The following LDAH variants were observed in gnomAD, a reference collection of about 807,000 sequenced individuals.
The protein encoded by LDAH is lipid droplet-associated hydrolase.
Under a neutral mutation model 29.6 loss-of-function variants are expected in LDAH, and 26 were observed. That is an observed-to-expected ratio of 0.88 (90% CI 0.64 to 1.22). The LOEUF (loss-of-function observed/expected upper bound fraction) is 1.22, where lower values mean the gene tolerates loss of function less well. Ranked by LOEUF, LDAH falls within the 50% of genes most tolerant of loss-of-function variation. The pLI is 0.00. For missense variants in LDAH, 344 were observed against 387.3 expected (o/e 0.89, Z 0.94); for synonymous variants, 117 against 133.0 (o/e 0.88, Z 0.83).
At chr2:20,811,148 G>T (rs1322450696) in intron 1 of LDAH, among the ~76,000 whole-genome samples, 2 of 151,550 alleles carry the variant, frequency 1.3e-5, no homozygotes, top group Non-Finnish European at 2.9e-5. Context: ...CTCCCGAGTA[G>T]CTGGGACTAC....
chr2:20,754,919 T>C (rs1668225413), intron 4 of LDAH, among the ~76,000 whole-genome samples: 1 of 152,158 alleles, frequency 6.6e-6, no homozygotes, highest in Non-Finnish European at 1.5e-5. Context: ...TCAAGGACAT[T>C]AGTGGGCCAA....
At chr2:20,771,791 GCTTACACCCTTTGGACAATTTATTGCACA>G in intron 4 of LDAH, among the ~76,000 whole-genome samples, 1 of 1,920 alleles carries the variant, frequency 5.2e-4, no homozygotes, top group Non-Finnish European at 2.5e-3. Context: ...TTATTTTCTA[GCTTACACCCTTTGGACAATTTATTGCACA>G]CATTATTTTC....
chr2:20,724,130 A>G (rs1462884022), intron 5 of LDAH, among the ~76,000 whole-genome samples: 1 of 152,204 alleles, frequency 6.6e-6, no homozygotes, highest in Non-Finnish European at 1.5e-5. Flanking sequence ...CACATAATCC[A>G]TAACAGAAGG....
Position 20,788,220 on chromosome 2 carries a change from T to C in LDAH, c.298+2035A>G, listed in dbSNP as rs80295661. Among the ~76,000 whole-genome samples, 38 of 152,306 alleles carry C rather than the reference T, an allele frequency of 2.5e-4. 1 individual carries two copies. In the East Asian group the frequency reaches 2.9e-3, roughly 12 times the overall value. On this transcript the variant is annotated intron_variant, in intron 3 of 6. Coordinates refer to ENST00000237822, the MANE Select transcript of LDAH (RefSeq NM_021925.4). ...ATACTCCCTGCAGCTAAAGGGTCAG[T>C]TGCAAAATACAAGGTTAACAATTAG... is the stretch of plus-strand genomic sequence containing the variant.
chr2:20,710,163 A>T (rs558165267), intron 5 of LDAH, among the ~76,000 whole-genome samples: 1 of 152,184 alleles, frequency 6.6e-6, no homozygotes, highest in Middle Eastern at 3.2e-3. Flanking sequence ...AATCAAATTG[A>T]TAAGTGTTTA....
intron 1 of LDAH, among the ~76,000 whole-genome samples, chr2:20,808,653 G>A (rs567357204): frequency 2.4e-4 from 33 of 135,256 alleles, no homozygotes; most frequent in African/African-American, 3.8e-4. Context: ...GAGAGACTCC[G>A]TCTCAAAAAA....
chr2:20,703,246 C>A (rs1315719946), intron 5 of LDAH, among the ~76,000 whole-genome samples: 1 of 152,204 alleles, frequency 6.6e-6, no homozygotes, highest in African/African-American at 2.4e-5. Context: ...TAGTGCCAAA[C>A]CATAGTTTTC....
intron 1 of LDAH, among the ~76,000 whole-genome samples, chr2:20,801,874 T>C (rs544343042): frequency 6.6e-6 from 1 of 151,902 alleles, no homozygotes; most frequent in South Asian, 2.1e-4. Flanking sequence ...AGAGGGACAA[T>C]GAACTCCCTA....
intron 6 of LDAH, among the ~76,000 whole-genome samples, chr2:20,691,878 G>A (rs191056828): frequency 9.7e-4 from 147 of 152,288 alleles, no homozygotes; most frequent in African/African-American, 3.5e-3. Flanking sequence ...TGGTTACTAT[G>A]GTCTCTGGGC....
chr2:20,788,552 G>A (rs1330596882), intron 3 of LDAH, among the ~76,000 whole-genome samples: 2 of 152,080 alleles, frequency 1.3e-5, no homozygotes, highest in Admixed American at 6.5e-5. Flanking sequence ...ATATAATAAC[G>A]AAGACTATAG....
intron 4 of LDAH, among the ~76,000 whole-genome samples, chr2:20,756,742 AAC>A (rs895971766): frequency 5.9e-5 from 9 of 152,234 alleles, no homozygotes; most frequent in African/African-American, 2.2e-4. Flanking sequence ...CTGAAAGTAT[AAC>A]ACACAAATAA....
intron 5 of LDAH, among the ~76,000 whole-genome samples, chr2:20,734,608 CCT>C (rs1217802757): frequency 6.6e-6 from 1 of 152,150 alleles, no homozygotes; most frequent in Non-Finnish European, 1.5e-5. Context: ...CTAAATATTT[CCT>C]CTGTGTATGT....
intron 4 of LDAH, among the ~76,000 whole-genome samples, chr2:20,760,825 C>G (rs1020672491): frequency 6.6e-6 from 1 of 152,082 alleles, no homozygotes; most frequent in African/African-American, 2.4e-5. Context: ...TCACCTTTAT[C>G]ATATTTTGTT....
intron 5 of LDAH, among the ~76,000 whole-genome samples, chr2:20,726,703 G>T (rs370002294): frequency 6.6e-6 from 1 of 152,078 alleles, no homozygotes; most frequent in Non-Finnish European, 1.5e-5. Flanking sequence ...GAAATGTTTC[G>T]TAGTCAACAT....
intron 4 of LDAH, among the ~76,000 whole-genome samples, chr2:20,770,107 A>G (rs1669307945): frequency 6.6e-6 from 1 of 152,318 alleles, no homozygotes; most frequent in South Asian, 2.1e-4. Context: ...CCCTTAAATC[A>G]CTAAGAAAAA....
intron 5 of LDAH, among the ~76,000 whole-genome samples, chr2:20,711,310 G>A (rs941282772): frequency 7.4e-4 from 113 of 152,006 alleles, no homozygotes; most frequent in African/African-American, 2.5e-3. Flanking sequence ...GTGTGAACCC[G>A]GGAGGTGGAG....
chr2:20,723,324 G>A (rs961859354), intron 5 of LDAH, among the ~76,000 whole-genome samples: 4 of 152,140 alleles, frequency 2.6e-5, no homozygotes, highest in Non-Finnish European at 5.9e-5. Context: ...TAAGTGAGAT[G>A]GGCAGAAGCA....
At chr2:20,795,982 C>A (rs980118151) in intron 2 of LDAH, among the ~76,000 whole-genome samples, 2 of 114,778 alleles carry the variant, frequency 1.7e-5, no homozygotes, top group African/African-American at 5.8e-5. Flanking sequence ...CACACACACA[C>A]ACAAAATACA....
intron 5 of LDAH, among the ~76,000 whole-genome samples, chr2:20,718,703 C>A (rs1364429880): frequency 1.3e-5 from 2 of 152,066 alleles, no homozygotes; most frequent in East Asian, 3.8e-4. Context: ...CCAACTACTG[C>A]AGAACACACA....
Sources: allele counts gnomAD v4.1 joint callset (sites outside exome capture counted in the v4.1 genomes callset), GRCh38; gene constraint gnomAD v4.1.1; transcripts MANE v1.5; gene names NCBI Gene and HGNC (gene_info 2026-07-23, HGNC 2026-07-21).